FAT3: variants seen among roughly 807,000 people sequenced by gnomAD.
FAT3 encodes protocadherin Fat 3.
A neutral mutation model predicts 310.2 loss-of-function variants in FAT3; 95 were observed. That is an observed-to-expected ratio of 0.31 (90% CI 0.26 to 0.36). The LOEUF is 0.36. Among genes scored for constraint, FAT3 ranks in the 10% least tolerant of loss-of-function variants. The pLI is 1.00. For missense variants in FAT3, 5,408 were observed against 5,715.6 expected (o/e 0.95, Z 1.74); for synonymous variants, 2,314 against 2,192.9 (o/e 1.06, Z -1.54).
chr11:92,457,222 C>T (rs1419968057), intron 2 of FAT3, among the ~76,000 whole-genome samples: 1 of 152,134 alleles, frequency 6.6e-6, no homozygotes, highest in Admixed American at 6.5e-5. Context: ...CCTACGAGGT[C>T]AGAGAAGGGC....
At chr11:92,350,635 C>T (rs1591150303) in intron 1 of FAT3, among the ~76,000 whole-genome samples, 1 of 152,004 alleles carries the variant, frequency 6.6e-6, no homozygotes, top group African/African-American at 2.4e-5. Flanking sequence ...TACTACTTGC[C>T]GGCTGGGGAA....
Position 92,649,874 on chromosome 11 carries a change from C to CATGTAT in FAT3, c.3608-47508_3608-47507insGTATAT, listed in dbSNP as rs1300301742. 3.8e-3 allele frequency among the ~76,000 whole-genome samples: 188 copies of CATGTAT among 49,626 alleles called. 6 individuals carry two copies. The highest frequency in any genetic ancestry group is 0.014 in the African/African-American group (172 of 12,562). The allele number at this position is 49,626 out of a possible 152,430, so 32.6% of individuals were successfully genotyped here. On this transcript the variant is annotated intron_variant, in intron 3 of 27. Transcript: ENST00000525166. ...TTGTTAAACACCCACTTTGTATGTT[C>CATGTAT]ATATATATATATATATATATATATA...
In FAT3 at chr11:92,794,049, A is replaced by C. The variant is rs757167998; in HGVS notation, c.4822+1072A>C. Among the ~76,000 whole-genome samples, 11 of 152,152 alleles carry C rather than the reference A, an allele frequency of 7.2e-5. No individual in the cohort carries two copies. The South Asian group carries it at 2.3e-3, about 32-fold the overall frequency. On this transcript the variant is annotated intron_variant, in intron 9 of 27. Transcript: ENST00000525166. Reference sequence around the variant, plus strand: ...CTACTTAAAAAAAGAAAAAGAAAAGACATGAGTTCATAATAGCAAAGTTTC... The same window carrying C: ...CTACTTAAAAAAAGAAAAAGAAAAGCCATGAGTTCATAATAGCAAAGTTTC...
intron 17 of FAT3, among the ~76,000 whole-genome samples, chr11:92,838,537 G>T (rs571820214): frequency 2.0e-5 from 3 of 152,262 alleles, no homozygotes; most frequent in Non-Finnish European, 4.4e-5. Context: ...AACTTTAGGA[G>T]GATCAGGAAA....
chr11:92,848,999 A>G (rs1190584483), intron 19 of FAT3, among the ~76,000 whole-genome samples: 1 of 152,222 alleles, frequency 6.6e-6, no homozygotes, highest in Non-Finnish European at 1.5e-5. Flanking sequence ...GAGAGAACAG[A>G]TAATGTTTAT....
At chr11:92,513,440 A>C (rs1441008157) in intron 2 of FAT3, among the ~76,000 whole-genome samples, 1 of 152,194 alleles carries the variant, frequency 6.6e-6, no homozygotes, top group Non-Finnish European at 1.5e-5. Context: ...GGGTTGGCTA[A>C]AAGTGGTTAT....
At chr11:92,598,545 A>G (rs1482806302) in intron 3 of FAT3, among the ~76,000 whole-genome samples, 2 of 152,130 alleles carry the variant, frequency 1.3e-5, no homozygotes, top group Non-Finnish European at 2.9e-5. Context: ...TTTGAGCCTC[A>G]CAGAATTTTA....
At chr11:92,391,750 A>G (rs542404911) in intron 2 of FAT3, among the ~76,000 whole-genome samples, 6 of 152,270 alleles carry the variant, frequency 3.9e-5, no homozygotes, top group South Asian at 4.1e-4. Flanking sequence ...CTTTTAGATC[A>G]TTTACTCATT....
rs1162985866 is a variant in FAT3 at position 92,866,822 on chromosome 11, G to T, written c.11740G>T (p.Asp3914Tyr). Reference sequence around the variant, plus strand: ...GGGCATCTCGGGCCGTGCTGTCAACGACGGGAGCTGGCACTCGGTCTTCCT... The same window carrying T: ...GGGCATCTCGGGCCGTGCTGTCAACTACGGGAGCTGGCACTCGGTCTTCCT... ...ILGISGRAVN[D>Y]GSWHSVFLEL... The change falls in exon 22 of 28, where the codon GAC becomes TAC. Residue 3914 changes from aspartate (D) to tyrosine (Y), a missense_variant. Asp to Tyr is a radical substitution (Grantham distance 160). Coordinates refer to ENST00000525166, the MANE Select transcript of FAT3 (RefSeq NM_001367949.2). 6 of 1,613,924 alleles carry T rather than the reference G, an allele frequency of 3.7e-6. No individual in the cohort carries two copies. Among genetic ancestry groups the T allele is most frequent in the Non-Finnish European group, 5.1e-6 (6 of 1,179,890 alleles).
chr11:92,397,016 T>G (rs949711180), intron 2 of FAT3, among the ~76,000 whole-genome samples: 1 of 152,172 alleles, frequency 6.6e-6, no homozygotes, highest in Non-Finnish European at 1.5e-5. Context: ...CCCTCTTTGT[T>G]ACTTTCATGG....
At chr11:92,765,128 A>G (rs1446771466) in intron 6 of FAT3, 39 bp downstream of exon 6, 1 of 1,458,308 alleles carries the variant, frequency 6.9e-7, no homozygotes, top group Non-Finnish European at 9.3e-7. Context: ...ATGCAATGTA[A>G]TAATTGACTG....
At chr11:92,693,413 C>T (rs971910471) in intron 3 of FAT3, among the ~76,000 whole-genome samples, 3 of 152,184 alleles carry the variant, frequency 2.0e-5, no homozygotes, top group Non-Finnish European at 4.4e-5. Context: ...TTGCCTTCCC[C>T]AGTGATGAGT....
At chr11:92,253,052 A>G (rs577394275) in intron 1 of FAT3, among the ~76,000 whole-genome samples, 4 of 152,114 alleles carry the variant, frequency 2.6e-5, no homozygotes, top group Admixed American at 2.6e-4. Context: ...TGCTCCTGTT[A>G]CAATTATTGC....
chr11:92,540,945 A>G (rs1197500360), intron 3 of FAT3, among the ~76,000 whole-genome samples: 1 of 152,150 alleles, frequency 6.6e-6, no homozygotes. Flanking sequence ...TTCAAGCTAC[A>G]GGAAAAGGAA....
intron 2 of FAT3, among the ~76,000 whole-genome samples, chr11:92,435,615 G>A (rs570568015): frequency 2.7e-5 from 4 of 148,642 alleles, no homozygotes; most frequent in African/African-American, 9.9e-5. Context: ...GCACAGGCTG[G>A]AGTACAGTGG....
chr11:92,734,306 A>C (rs1373400135), intron 4 of FAT3, among the ~76,000 whole-genome samples: 1 of 152,232 alleles, frequency 6.6e-6, no homozygotes, highest in Non-Finnish European at 1.5e-5. Context: ...ATGTGTATCC[A>C]GCACTGGCTT....
chr11:92,821,779 A>G (rs1008009281), intron 13 of FAT3, among the ~76,000 whole-genome samples: 4 of 152,170 alleles, frequency 2.6e-5, no homozygotes, highest in Non-Finnish European at 5.9e-5. Flanking sequence ...TGTTAAATGG[A>G]GTGATCTGAG....
intron 2 of FAT3, among the ~76,000 whole-genome samples, chr11:92,503,662 T>A (rs957258008): frequency 1.3e-5 from 2 of 152,166 alleles, no homozygotes; most frequent in African/African-American, 4.8e-5. Flanking sequence ...ACATAAGTTT[T>A]AAAAATTGCT....
rs1412039150 is a variant in FAT3 at position 92,801,535 on chromosome 11, T to C, written c.8522T>C (p.Met2841Thr). 6.2e-7 allele frequency: 1 copy of C among 1,608,726 alleles called. No individual in the cohort carries two copies. The highest frequency in any genetic ancestry group is 2.2e-5 in the East Asian group (1 of 44,710). ...CTCACACAAGTGAGAGCTATTGATA[T>C]GGACTGGGGAGCCAATGGACAAGTC... is the stretch of plus-strand genomic sequence containing the variant. ...TKLTQVRAIDMDWGANGQVTY... is the reference protein window; with the variant it reads ...TKLTQVRAIDTDWGANGQVTY... The change falls in exon 10 of 28, where the codon ATG (methionine) becomes ACG (threonine). Residue 2841 changes from methionine to threonine, a missense_variant. Met to Thr is a moderately conservative substitution (Grantham distance 81, BLOSUM62 -1). Around this residue, in one of 5 missense-constraint regions of FAT3, gnomAD observed 4,588 missense variants for 4,809.8 expected, o/e 0.95. Transcript: ENST00000525166.
Sources: gnomAD v4.1 joint callset for allele counts (sites outside exome capture counted in the v4.1 genomes callset) on GRCh38, gnomAD v4.1.1 for gene constraint, gnomAD v4.1.1 regional missense constraint, MANE v1.5 for transcripts, NCBI Gene and HGNC (gene_info 2026-07-23, HGNC 2026-07-21) for gene names.